The following NHSL1 variants were observed in gnomAD, a reference collection of about 807,000 sequenced individuals.
NHSL1 encodes the protein NHS like 1.
NHSL1 carries 48 observed loss-of-function variants against 95.0 expected under a neutral mutation model. That is an observed-to-expected ratio of 0.51 (90% confidence interval 0.40 to 0.64). The LOEUF (loss-of-function observed/expected upper bound fraction) is 0.64, where lower values mean the gene tolerates loss of function less well. NHSL1 is among the 30% of genes least tolerant of loss of function. NHSL1 has a pLI of 0.00. For synonymous variants in NHSL1, 783 were observed against 833.9 expected, an observed-to-expected ratio of 0.94 and a Z score of 1.05; for missense variants, 1,971 against 2,077.7, an observed-to-expected ratio of 0.95 and a Z score of 1.00.
At chr6:138,452,820 C>CTTTTTTT (rs112050516) in intron 3 of NHSL1, among the ~76,000 whole-genome samples, 1 of 149,564 alleles carries the variant, frequency 6.7e-6, no homozygotes, top group African/African-American at 2.5e-5. Flanking sequence ...TCTGTGCATT[C>CTTTTTTT]TTTTTTTTTT....
In NHSL1 at chr6:138,493,009, C is replaced by T. The variant is rs1780162944; in HGVS notation, c.211+3210G>A. ...AGAGACTGATTTTTTTTAATCTTCACTGATAATGAGGTAATAAATACCTTG... is the reference window on the plus strand; with the variant it reads ...AGAGACTGATTTTTTTTAATCTTCATTGATAATGAGGTAATAAATACCTTG... On this transcript the variant is annotated intron_variant, in intron 2 of 7. Coordinates refer to ENST00000343505, the MANE Select transcript of NHSL1 (RefSeq NM_001144060.2). Among the ~76,000 whole-genome samples the T allele has an allele frequency of 2.0e-5, 3 of 151,858 alleles. No individual in the cohort carries two copies. The South Asian group carries it at 6.2e-4, about 31-fold the overall frequency.
chr6:138,575,877 C>T (rs1783961683), upstream of NHSL1, among the ~76,000 whole-genome samples: 2 of 152,314 alleles, frequency 1.3e-5, no homozygotes, highest in South Asian at 4.1e-4. Flanking sequence ...CTCCTGGCAG[C>T]AGGGCCAAGG....
intron 1 of NHSL1, among the ~76,000 whole-genome samples, chr6:138,646,755 G>C (rs949553621): frequency 6.6e-6 from 1 of 152,158 alleles, no homozygotes; most frequent in Non-Finnish European, 1.5e-5. Context: ...TCCATTCTGG[G>C]TTTACAGTCA....
intron 1 of NHSL1, among the ~76,000 whole-genome samples, chr6:138,687,029 CAGCCACCAACATCCTCTCT>C (rs1562413356): frequency 2.0e-5 from 3 of 152,178 alleles, no homozygotes; most frequent in Admixed American, 1.3e-4. Context: ...GCGGGCCACA[CAGCCACCAACATCCTCTCT>C]AGCATGTGGT....
intron 1 of NHSL1, among the ~76,000 whole-genome samples, chr6:138,507,516 T>A (rs755191663): frequency 1.3e-5 from 2 of 152,210 alleles, no homozygotes; most frequent in Non-Finnish European, 2.9e-5. Flanking sequence ...TACAGATAAG[T>A]GGAAAAAATT....
intron 1 of NHSL1, among the ~76,000 whole-genome samples, chr6:138,691,143 T>C (rs1785661497): frequency 6.6e-6 from 1 of 152,248 alleles, no homozygotes. Flanking sequence ...TCCTACCATA[T>C]GCATGAAGTC....
Position 138,517,946 on chromosome 6 carries a change from C to T in NHSL1, c.17-21575G>A, listed in dbSNP as rs1486717307. Among the ~76,000 whole-genome samples, 3 of 152,270 alleles carry T rather than the reference C, an allele frequency of 2.0e-5. No homozygotes were observed. In the South Asian group the frequency reaches 6.2e-4, roughly 32 times the overall value. ...AGGGTGGCACAGCCTAGGTCACATACCTGTACTGTAGCTGCAAGGGAGTCT... is the reference window on the plus strand; with the variant it reads ...AGGGTGGCACAGCCTAGGTCACATATCTGTACTGTAGCTGCAAGGGAGTCT... On this transcript the variant is annotated intron_variant, in intron 1 of 4. Coordinates refer to the NHSL1 transcript ENST00000342260.
chr6:138,566,965 T>C (rs1783643173), intron 1 of NHSL1, among the ~76,000 whole-genome samples: 2 of 152,174 alleles, frequency 1.3e-5, no homozygotes, highest in Non-Finnish European at 1.5e-5. Context: ...TTTTCCGATA[T>C]ATGTAGTAAC....
chr6:138,596,133 C>G (rs4397246), intron 1 of NHSL1, among the ~76,000 whole-genome samples: 2 of 151,916 alleles, frequency 1.3e-5, no homozygotes, highest in African/African-American at 4.8e-5. Flanking sequence ...AGTCAATGGT[C>G]GATCCAAGGA....
chr6:138,501,141 C>T (rs921481660), upstream of NHSL1, among the ~76,000 whole-genome samples: 1 of 152,190 alleles, frequency 6.6e-6, no homozygotes, highest in African/African-American at 2.4e-5. Context: ...CCAGTGAAAA[C>T]AGAAATTGTT....
intron 5 of NHSL1, among the ~76,000 whole-genome samples, chr6:138,438,545 T>A (rs1776330526): frequency 6.6e-6 from 1 of 152,178 alleles, no homozygotes; most frequent in Non-Finnish European, 1.5e-5. Flanking sequence ...TGGAACAAAC[T>A]ACAAAAAGAC....
chr6:138,626,427 T>C (rs1446713283), intron 1 of NHSL1, among the ~76,000 whole-genome samples: 1 of 152,222 alleles, frequency 6.6e-6, no homozygotes, highest in African/African-American at 2.4e-5. Flanking sequence ...TCAGACACAC[T>C]TGACTTTTCT....
At chr6:138,664,349 C>A (rs1785267148) in intron 1 of NHSL1, among the ~76,000 whole-genome samples, 1 of 152,208 alleles carries the variant, frequency 6.6e-6, no homozygotes, top group Admixed American at 6.5e-5. Flanking sequence ...CCAAGCCACA[C>A]AAGCTAGTAG....
intron 3 of NHSL1, among the ~76,000 whole-genome samples, chr6:138,463,501 G>A (rs1331283214): frequency 7.8e-6 from 1 of 128,228 alleles, no homozygotes; most frequent in African/African-American, 3.2e-5. Flanking sequence ...CATGTGCGAT[G>A]TTCTTTTTTT....
chr6:138,585,034 C>T (rs897172546), intron 1 of NHSL1, among the ~76,000 whole-genome samples: 12 of 152,154 alleles, frequency 7.9e-5, no homozygotes, highest in African/African-American at 2.2e-4. Context: ...TACAGACACC[C>T]GGGCCTTTAT....
intron 1 of NHSL1, among the ~76,000 whole-genome samples, chr6:138,595,147 G>T (rs1784286988): frequency 6.6e-6 from 1 of 152,314 alleles, no homozygotes; most frequent in South Asian, 2.1e-4. Flanking sequence ...ATCACCTACA[G>T]AAGATAAAAA....
At chr6:138,596,418 C>A (rs1247662417) in intron 1 of NHSL1, among the ~76,000 whole-genome samples, 5 of 152,164 alleles carry the variant, frequency 3.3e-5, no homozygotes. Flanking sequence ...AAAGCTTTTT[C>A]ATCAACTGCA....
At chr6:138,577,700 G>A (rs1445799192) in intron 1 of NHSL1, among the ~76,000 whole-genome samples, 6 of 152,088 alleles carry the variant, frequency 3.9e-5, no homozygotes, top group South Asian at 2.1e-4. Flanking sequence ...TTAGGACAGC[G>A]TACAGTAGGT....
Position 138,424,296 on chromosome 6 carries a change from C to G in NHSL1, c.4606G>C (p.Val1536Leu). Reference sequence around the variant, plus strand: ...AGAGCCCCGCGGGCTATGCTGTCCACAGGCTCCACGGCTTCCCCTTCTCCC... The same window carrying G: ...AGAGCCCCGCGGGCTATGCTGTCCAGAGGCTCCACGGCTTCCCCTTCTCCC... ...SEGEGEAVEP[V>L]DSIARGALGA... The change falls in exon 8 of 8, where the codon GTG becomes CTG. Residue 1536 changes from valine (V) to leucine (L), a missense_variant. By Grantham distance (32) the Val-to-Leu change is conservative. Transcript: ENST00000343505. This position sits in a 1 kb window ranked among gnomAD's most constrained non-coding sequence, Gnocchi z 5.9. 6.6e-7 allele frequency: 1 copy of G among 1,512,448 alleles called. No individual in the cohort carries two copies. Among genetic ancestry groups the G allele is most frequent in the Non-Finnish European group, 8.9e-7 (1 of 1,126,868 alleles). The allele number at this position is 1,512,448 out of a possible 1,614,324, so 93.7% of individuals were successfully genotyped here.
Sources: gnomAD v4.1 joint callset for allele counts (sites outside exome capture counted in the v4.1 genomes callset) on GRCh38, gnomAD v4.1.1 for gene constraint, Gnocchi (gnomAD v3.1) non-coding constraint, MANE v1.5 for transcripts, NCBI Gene and HGNC (gene_info 2026-07-23, HGNC 2026-07-21) for gene names.